The following AFAP1 variants were observed in gnomAD, a reference collection of about 807,000 sequenced individuals.
AFAP1 encodes the protein actin filament associated protein 1, also known as actin filament-associated protein 1.
Under a neutral mutation model 93.9 loss-of-function variants are expected in AFAP1, and 75 were observed. The observed-to-expected ratio is 0.80, with a 90% confidence interval of 0.66 to 0.97. The LOEUF (loss-of-function observed/expected upper bound fraction) is 0.97. AFAP1 is among the 50% of genes least tolerant of loss of function. AFAP1 has a pLI of 0.00. For missense variants in AFAP1, 1,201 were observed against 1,050.8 expected (o/e 1.14, Z -1.98); for synonymous variants, 517 against 430.7 (o/e 1.20, Z -2.48).
At chr4:7,862,932 CATTTAG>C (rs1715901566) in intron 3 of AFAP1, among the ~76,000 whole-genome samples, 1 of 152,150 alleles carries the variant, frequency 6.6e-6, no homozygotes, top group African/African-American at 2.4e-5. Flanking sequence ...GGCGCTTATC[CATTTAG>C]ACCCCTTTAG....
Position 7,904,528 on chromosome 4 carries a change from G to T in AFAP1, c.-2-32448C>A, listed in dbSNP as rs143840028. Among the ~76,000 whole-genome samples the T allele has an allele frequency of 1.4e-3, 211 of 152,120 alleles. 1 individual carries two copies. The highest frequency in any genetic ancestry group is 4.7e-3 in the African/African-American group (197 of 41,492). On this transcript the variant is annotated intron_variant, in intron 1 of 17. Coordinates refer to ENST00000420658, the MANE Select transcript of AFAP1 (RefSeq NM_001134647.2). ...GGTGCCAGGCTCTGAGTTTTATCTC[G>T]TCTAGTTCTCGCTGAAATCCTGTAA... is the stretch of plus-strand genomic sequence containing the variant.
At chr4:7,771,983 T>A (rs1043181404) in intron 16 of AFAP1, among the ~76,000 whole-genome samples, 9 of 152,152 alleles carry the variant, frequency 5.9e-5, no homozygotes, top group Admixed American at 1.3e-4. Context: ...CCCATAAATG[T>A]GTCAATCTTC....
chr4:7,866,497 C>T (rs1002372685), intron 3 of AFAP1, among the ~76,000 whole-genome samples: 4 of 152,234 alleles, frequency 2.6e-5, no homozygotes, highest in African/African-American at 7.2e-5. Flanking sequence ...CACCTGGCCC[C>T]AGCTGCTTCT....
At chr4:7,931,889 C>T (rs1160334191) in intron 1 of AFAP1, among the ~76,000 whole-genome samples, 4 of 151,998 alleles carry the variant, frequency 2.6e-5, no homozygotes, top group Non-Finnish European at 4.4e-5. Flanking sequence ...GAGACGGAGT[C>T]TCACTTTGTC....
At chr4:7,890,167 A>G (rs1295174864) in intron 1 of AFAP1, among the ~76,000 whole-genome samples, 1 of 152,226 alleles carries the variant, frequency 6.6e-6, no homozygotes, top group Non-Finnish European at 1.5e-5. Context: ...ACAATTATCA[A>G]TACAGTGTGG....
At chr4:7,841,320 A>G (rs917754436) in intron 5 of AFAP1, among the ~76,000 whole-genome samples, 2 of 152,138 alleles carry the variant, frequency 1.3e-5, no homozygotes, top group African/African-American at 4.8e-5. Context: ...CACTGAATGC[A>G]GACCCCTGGG....
chr4:7,770,687 G>C (rs1398357870), intron 16 of AFAP1, among the ~76,000 whole-genome samples: 1 of 152,174 alleles, frequency 6.6e-6, no homozygotes, highest in Non-Finnish European at 1.5e-5. Flanking sequence ...GGTGTCTGGA[G>C]GTCAGGAAGG....
At chr4:7,904,986 G>C (rs1719320061) in intron 1 of AFAP1, among the ~76,000 whole-genome samples, 1 of 152,266 alleles carries the variant, frequency 6.6e-6, no homozygotes, top group Middle Eastern at 3.4e-3. Context: ...GGGATTACAG[G>C]TTTAGGCCAC....
chr4:7,787,660 C>A (rs1025941948), intron 11 of AFAP1, among the ~76,000 whole-genome samples: 1 of 152,174 alleles, frequency 6.6e-6, no homozygotes, highest in African/African-American at 2.4e-5. Flanking sequence ...GAGGTGAGGC[C>A]CAACAGTGTG....
At chr4:7,828,763 C>T (rs1721647474) in intron 6 of AFAP1, among the ~76,000 whole-genome samples, 1 of 152,286 alleles carries the variant, frequency 6.6e-6, no homozygotes, top group East Asian at 1.9e-4. Flanking sequence ...AACAGAGGCA[C>T]TGAGAAGTCA....
At chr4:7,771,939 C>T (rs1010733958) in intron 16 of AFAP1, among the ~76,000 whole-genome samples, 2 of 152,058 alleles carry the variant, frequency 1.3e-5, no homozygotes, top group Admixed American at 6.5e-5. Flanking sequence ...CCGGTAGGGG[C>T]CAGCAAGTGA....
intron 10 of AFAP1, among the ~76,000 whole-genome samples, chr4:7,799,928 CTG>C (rs1304021401): frequency 2.6e-5 from 4 of 152,162 alleles, no homozygotes; most frequent in Non-Finnish European, 5.9e-5. Flanking sequence ...CTTTCAGTGT[CTG>C]TGTCATGTGG....
At chr4:7,837,746 C>T (rs577001192) in intron 6 of AFAP1, among the ~76,000 whole-genome samples, 5 of 152,296 alleles carry the variant, frequency 3.3e-5, no homozygotes, top group South Asian at 2.1e-4. Context: ...GGGCTGGACA[C>T]GATGGCTCAC....
At chr4:7,815,991 T>C (rs371650185) in intron 8 of AFAP1, 27 bp downstream of exon 8, 20 of 1,576,322 alleles carry the variant, frequency 1.3e-5, no homozygotes, top group Middle Eastern at 1.7e-4. Context: ...TTAGTGTATA[T>C]ATGTTTTTGG....
rs767152736 is a variant in AFAP1, at chr4:7,781,354, C to G, written c.1782+22G>C. On this transcript the variant is annotated intron_variant, in intron 13 of 17. Transcript: ENST00000420658. Reference sequence around the variant, plus strand: ...TGTGACTTGAAGGTGGTTCTAGAATCTTACAGAAGAAGATGCCGTACCTGC... The same window carrying G: ...TGTGACTTGAAGGTGGTTCTAGAATGTTACAGAAGAAGATGCCGTACCTGC... 1.1e-5 allele frequency: 17 copies of G among 1,549,822 alleles called. No homozygotes were observed. In the African/African-American group the frequency reaches 2.3e-4, roughly 21 times the overall value.
chr4:7,828,686 G>C (rs2149089052), intron 6 of AFAP1, among the ~76,000 whole-genome samples: 1 of 152,306 alleles, frequency 6.6e-6, no homozygotes, highest in East Asian at 1.9e-4. Context: ...CTCTGTCTTA[G>C]CATCTCGTCC....
chr4:7,775,172 G>C, intron 14 of AFAP1: 1 of 365,166 alleles, frequency 2.7e-6, no homozygotes, highest in Non-Finnish European at 4.9e-6. Flanking sequence ...GCAGATAATG[G>C]GGTAACTCAA....
At chr4:7,795,824 T>C (rs990157315) in intron 10 of AFAP1, among the ~76,000 whole-genome samples, 2 of 152,184 alleles carry the variant, frequency 1.3e-5, no homozygotes, top group Non-Finnish European at 2.9e-5. Flanking sequence ...TAAGATGTAA[T>C]TGATATTATT....
chr4:7,894,651 T>G (rs1034197021), intron 1 of AFAP1, among the ~76,000 whole-genome samples: 3 of 152,168 alleles, frequency 2.0e-5, no homozygotes, highest in Admixed American at 6.5e-5. Context: ...ATAACTGTGT[T>G]GGCTCCTTCT....
Sources: gnomAD v4.1 joint callset for allele counts (sites outside exome capture counted in the v4.1 genomes callset) on GRCh38, gnomAD v4.1.1 for gene constraint, MANE v1.5 for transcripts, NCBI Gene and HGNC (gene_info 2026-07-23, HGNC 2026-07-21) for gene names.